The following CDK14 variants were observed in gnomAD, a reference collection of about 807,000 sequenced individuals.
The protein encoded by CDK14 is cyclin-dependent kinase 14.
CDK14 carries 34 observed loss-of-function variants against 60.7 expected under a neutral mutation model. That is an observed-to-expected ratio of 0.56 (90% CI 0.43 to 0.75). The LOEUF (loss-of-function observed/expected upper bound fraction) is 0.75, where lower values mean the gene tolerates loss of function less well. CDK14 is among the 30% of genes least tolerant of loss of function. The pLI, the probability that CDK14 is intolerant of heterozygous loss-of-function variation, is 0.00. For missense variants in CDK14, 482 were observed against 564.1 expected (o/e 0.85, Z 1.47); for synonymous variants, 197 against 203.7 (o/e 0.97, Z 0.28).
At position 90,645,362 on chromosome 7, in the gene CDK14, C is replaced by T. The variant is rs936469584; in HGVS notation, c.123+41113C>T. ...TTTAATTATTGAATGAATGATTTCT[C>T]TTTAAATAACCTTAAAATGATTTAA... On this transcript the variant is annotated intron_variant, in intron 2 of 14. Coordinates refer to ENST00000380050, the MANE Select transcript of CDK14 (RefSeq NM_001287135.2). Among the ~76,000 whole-genome samples the T allele has an allele frequency of 4.7e-4, 63 of 133,904 alleles. 1 individual carries two copies. The highest frequency in any genetic ancestry group is 1.8e-3 in the African/African-American group (61 of 34,738). 87.8% of individuals were successfully genotyped at this position (133,904 alleles called of 152,430 possible). A position where few individuals can be genotyped will look rare whatever the true frequency, so the allele number is the denominator to read the frequency against.
intron 5 of CDK14, among the ~76,000 whole-genome samples, chr7:90,842,057 T>C (rs1484180025): frequency 6.6e-6 from 1 of 152,146 alleles, no homozygotes; most frequent in Admixed American, 6.6e-5. Flanking sequence ...TAACAGCCCC[T>C]GCAAGTTTAG....
chr7:90,599,564 C>T (rs1183401978), intron 1 of CDK14, among the ~76,000 whole-genome samples: 1 of 152,216 alleles, frequency 6.6e-6, no homozygotes, highest in Non-Finnish European at 1.5e-5. Flanking sequence ...GTATCTATCA[C>T]AAGGTGAAGG....
At chr7:90,848,877 T>C (rs993067560) in intron 5 of CDK14, among the ~76,000 whole-genome samples, 1 of 152,340 alleles carries the variant, frequency 6.6e-6, no homozygotes, top group South Asian at 2.1e-4. Flanking sequence ...AAAATTGATA[T>C]AATTTTATTT....
intron 2 of CDK14, among the ~76,000 whole-genome samples, chr7:90,675,524 A>T (rs1216131043): frequency 2.6e-5 from 4 of 152,176 alleles, no homozygotes; most frequent in Admixed American, 2.6e-4. Context: ...GATAGGACGG[A>T]ATGTGCTCTA....
intron 9 of CDK14, among the ~76,000 whole-genome samples, chr7:90,963,766 A>T (rs1794676027): frequency 8.3e-6 from 1 of 120,640 alleles, no homozygotes; most frequent in Non-Finnish European, 1.6e-5. Flanking sequence ...CCCAGACTGT[A>T]GTGCAATGGC....
At chr7:90,839,610 AAAC>A (rs1418938021) in intron 5 of CDK14, among the ~76,000 whole-genome samples, 19 of 152,324 alleles carry the variant, frequency 1.2e-4, no homozygotes, top group Non-Finnish European at 2.5e-4. Context: ...AGTCTTGTGA[AAAC>A]AACATATTAC....
At chr7:90,936,754 T>C (rs1485973357) in intron 8 of CDK14, among the ~76,000 whole-genome samples, 1 of 152,172 alleles carries the variant, frequency 6.6e-6, no homozygotes, top group African/African-American at 2.4e-5. Flanking sequence ...GGTACACGAA[T>C]GCATATGCAC....
intron 2 of CDK14, among the ~76,000 whole-genome samples, chr7:90,658,225 A>G (rs1020749157): frequency 1.3e-5 from 2 of 152,196 alleles, no homozygotes; most frequent in Non-Finnish European, 1.5e-5. Flanking sequence ...GTGTAACAAA[A>G]TATCTTAGAC....
intron 8 of CDK14, among the ~76,000 whole-genome samples, chr7:90,939,198 C>A (rs1398227112): frequency 6.6e-6 from 1 of 152,098 alleles, no homozygotes; most frequent in Non-Finnish European, 1.5e-5. Context: ...TCAAATAAAG[C>A]TTTATTGGAG....
intron 3 of CDK14, among the ~76,000 whole-genome samples, chr7:90,731,592 C>A (rs1010464014): frequency 6.6e-6 from 1 of 152,090 alleles, no homozygotes; most frequent in Non-Finnish European, 1.5e-5. Flanking sequence ...ATTTTATTCT[C>A]TTTGTAGCAA....
At chr7:90,933,637 C>T (rs952400598) in intron 8 of CDK14, among the ~76,000 whole-genome samples, 4 of 152,146 alleles carry the variant, frequency 2.6e-5, no homozygotes, top group Non-Finnish European at 5.9e-5. Context: ...GGACACTGCA[C>T]TTTTTGCTTG....
chr7:90,714,364 G>A (rs919572259), intron 2 of CDK14, among the ~76,000 whole-genome samples: 2 of 152,068 alleles, frequency 1.3e-5, no homozygotes, highest in Admixed American at 6.6e-5. Context: ...ACAGCAGGAT[G>A]TGTGTATCCC....
chr7:91,150,087 G>C (rs887265595), intron 14 of CDK14, among the ~76,000 whole-genome samples: 1 of 152,182 alleles, frequency 6.6e-6, no homozygotes, highest in African/African-American at 2.4e-5. Flanking sequence ...CAGCAGGTAA[G>C]GGATAGATCT....
intron 1 of CDK14, among the ~76,000 whole-genome samples, chr7:90,598,921 G>C (rs1799256117): frequency 6.6e-6 from 1 of 151,616 alleles, no homozygotes; most frequent in South Asian, 2.1e-4. Flanking sequence ...AGCCGGGATG[G>C]TCTCGATCTC....
chr7:90,895,305 T>TCTTTCCTCTC (rs1562817388), intron 6 of CDK14, among the ~76,000 whole-genome samples: 3 of 62,104 alleles, frequency 4.8e-5, no homozygotes, highest in Non-Finnish European at 8.0e-5. Flanking sequence ...CTTTTCCCAT[T>TCTTTCCTCTC]CTTTCCTCTT....
At position 91,030,967 on chromosome 7, in the gene CDK14, G is replaced by T. The variant is rs1796743876; in HGVS notation, c.1042-14930G>T. Among the ~76,000 whole-genome samples, 7 of 152,310 alleles carry T rather than the reference G, an allele frequency of 4.6e-5. 2 individuals carry two copies. Among genetic ancestry groups the T allele is most frequent in the African/African-American group, 1.4e-4 (6 of 41,562 alleles). ...TGCTGCCTGGTCTGCTTCTATAGGA[G>T]TGCTGTGATTTCCCTGGTGGGTGCA... On this transcript the variant is annotated intron_variant, in intron 10 of 14. Transcript: ENST00000380050.
chr7:90,799,164 A>G (rs1160479049), intron 5 of CDK14, among the ~76,000 whole-genome samples: 1 of 152,204 alleles, frequency 6.6e-6, no homozygotes, highest in Non-Finnish European at 1.5e-5. Context: ...GGTGAGAATT[A>G]TGCTTAAAGA....
In CDK14 at chr7:90,746,295, C is replaced by T. The variant is rs763472656; in HGVS notation, c.370-1386C>T. Among the ~76,000 whole-genome samples, 94 of 151,982 alleles carry T rather than the reference C, an allele frequency of 6.2e-4. No homozygotes were observed. In the Middle Eastern group the frequency reaches 0.014, roughly 22 times the overall value. On this transcript the variant is annotated intron_variant, in intron 3 of 14. Transcript: ENST00000380050. ...TTTAAGTCATGATGGGTATTTTGGGCGGGAAGAAAGTAAGAAACATGTATT... is the reference window on the plus strand; with the variant it reads ...TTTAAGTCATGATGGGTATTTTGGGTGGGAAGAAAGTAAGAAACATGTATT...
At chr7:90,810,988 T>A (rs1467467131) in intron 5 of CDK14, among the ~76,000 whole-genome samples, 1 of 152,120 alleles carries the variant, frequency 6.6e-6, no homozygotes, top group Non-Finnish European at 1.5e-5. Context: ...AATGGAAGAA[T>A]ATTCCCTGCT....
Sources: allele counts gnomAD v4.1 joint callset (sites outside exome capture counted in the v4.1 genomes callset), GRCh38; gene constraint gnomAD v4.1.1; transcripts MANE v1.5; gene names NCBI Gene and HGNC (gene_info 2026-07-23, HGNC 2026-07-21).